SPAG1: variants seen among roughly 807,000 people sequenced by gnomAD.
SPAG1 encodes sperm associated antigen 1, also known as sperm-associated antigen 1.
Under a neutral mutation model 100.5 loss-of-function variants are expected in SPAG1, and 69 were observed. The ratio of observed to expected loss-of-function variants is 0.69; its 90% CI spans 0.57 to 0.84. The LOEUF is 0.84. SPAG1 is among the 40% of genes least tolerant of loss of function. The probability of loss-of-function intolerance (pLI) is 0.00; values close to 1 mark genes in which losing one functional copy is unlikely to be tolerated. For missense variants in SPAG1, 955 were observed against 1,133.1 expected, an observed-to-expected ratio of 0.84 and a Z score of 2.26; for synonymous variants, 336 against 411.6, an observed-to-expected ratio of 0.82 and a Z score of 2.22.
Position 100,166,056 on chromosome 8 carries a change from C to A in SPAG1, c.300+83C>A. 9 of 1,264,994 alleles carry A rather than the reference C, an allele frequency of 7.1e-6. 1 individual carries two copies. The South Asian group carries it at 1.4e-4, about 19-fold the overall frequency. 78.4% of individuals were successfully genotyped at this position (1,264,994 alleles called of 1,614,324 possible). On this transcript the variant is annotated intron_variant, in intron 3 of 18. Coordinates refer to ENST00000388798, the MANE Select transcript of SPAG1 (RefSeq NM_003114.5). Reference sequence around the variant, plus strand: ...TTCACTTATCGGAAATCCTAGGCTTCTTGTTTGTCCGTAAAGGGCTTTTAG... The same window carrying A: ...TTCACTTATCGGAAATCCTAGGCTTATTGTTTGTCCGTAAAGGGCTTTTAG...
In SPAG1 at chr8:100,160,105, A is replaced by G. The variant is rs538775649; in HGVS notation, c.-3+1489A>G. ...GTGCCTAGCACACATTAAGAACTATATATTTGTTGCTATTATTATTATCAT... is the reference window on the plus strand; with the variant it reads ...GTGCCTAGCACACATTAAGAACTATGTATTTGTTGCTATTATTATTATCAT... On this transcript the variant is annotated intron_variant, in intron 1 of 18. Coordinates refer to ENST00000388798, the MANE Select transcript of SPAG1 (RefSeq NM_003114.5). Among the ~76,000 whole-genome samples the G allele has an allele frequency of 3.3e-5, 5 of 152,360 alleles. No homozygotes were observed. The East Asian group carries it at 7.7e-4, about 23-fold the overall frequency.
intron 12 of SPAG1, among the ~76,000 whole-genome samples, chr8:100,215,049 A>G (rs1586502214): frequency 1.1e-5 from 1 of 92,020 alleles, no homozygotes; most frequent in Non-Finnish European, 2.1e-5. Context: ...ATATATATAT[A>G]TGAAACTATG....
chr8:100,204,146 C>G (rs1817404090), intron 10 of SPAG1, among the ~76,000 whole-genome samples: 1 of 152,158 alleles, frequency 6.6e-6, no homozygotes, highest in South Asian at 2.1e-4. Context: ...CCTGCACTGC[C>G]TGACGCAACA....
chr8:100,178,350 C>G (rs1816221540), intron 4 of SPAG1, among the ~76,000 whole-genome samples: 1 of 151,970 alleles, frequency 6.6e-6, no homozygotes, highest in Non-Finnish European at 1.5e-5. Context: ...GGATTTAAAA[C>G]AGTAAACAGA....
intron 14 of SPAG1, among the ~76,000 whole-genome samples, chr8:100,227,141 AATTTCGC>A (rs1000387488): frequency 2.6e-5 from 4 of 152,238 alleles, no homozygotes; most frequent in Non-Finnish European, 4.4e-5. Flanking sequence ...CCCAACGACA[AATTTCGC>A]AGAATGTATC....
Position 100,239,406 on chromosome 8 carries a change from T to C in SPAG1, c.2280+2T>C, listed in dbSNP as rs945594463. ...AGAAGGAAAATTGAGATTCAAGAGG[T>C]ATTTGTATTTGATTATCTTTGAAAG... is the stretch of plus-strand genomic sequence containing the variant. On this transcript the variant is annotated splice_donor_variant, in intron 17 of 18. Transcript: ENST00000388798. LOFTEE classifies it high-confidence loss of function. The surrounding 1 kb of genome is among the most constrained non-coding windows in gnomAD (Gnocchi z 5.0). The C allele has an allele frequency of 6.4e-7, 1 of 1,571,940 alleles. No homozygotes were observed. Among genetic ancestry groups the C allele is most frequent in the Non-Finnish European group, 8.8e-7 (1 of 1,142,054 alleles).
chr8:100,226,085 C>G (rs971733344), intron 14 of SPAG1, among the ~76,000 whole-genome samples: 9 of 151,202 alleles, frequency 6.0e-5, no homozygotes, highest in African/African-American at 2.2e-4. Context: ...CAACCTCCAC[C>G]TCCCAGGTTC....
chr8:100,196,334 C>T (rs973067964), intron 10 of SPAG1, among the ~76,000 whole-genome samples: 5 of 152,184 alleles, frequency 3.3e-5, no homozygotes, highest in African/African-American at 7.2e-5. Flanking sequence ...TTTGCATTGC[C>T]ATTAGTAACA....
intron 10 of SPAG1, among the ~76,000 whole-genome samples, chr8:100,201,225 C>T (rs1817262802): frequency 6.6e-6 from 1 of 152,150 alleles, no homozygotes; most frequent in South Asian, 2.1e-4. Context: ...TCAAGTGATC[C>T]TCCTACCTCA....
intron 7 of SPAG1, among the ~76,000 whole-genome samples, chr8:100,186,240 C>T (rs892287241): frequency 4.6e-5 from 7 of 151,586 alleles, no homozygotes; most frequent in Non-Finnish European, 1.0e-4. Context: ...ATAATTTTCT[C>T]TTGTGTTTTT....
At chr8:100,213,449 C>G in intron 11 of SPAG1, 21 bp downstream of exon 11, 1 of 1,380,460 alleles carries the variant, frequency 7.2e-7, no homozygotes, top group East Asian at 3.0e-5. Context: ...CGCGCCCCGC[C>G]GCTTCCTGGG....
rs1246929415 is a variant in SPAG1, at chr8:100,240,537, T to C, written c.2415T>C (p.Asn805=). The change falls in exon 18 of 19, where the codon AAT becomes AAC. Residue 805 remains asparagine, a synonymous_variant. Coordinates refer to ENST00000388798, the MANE Select transcript of SPAG1 (RefSeq NM_003114.5). ...PEKLPIAKPN[N]AYEFGQIINA... is the part of the protein sequence containing the mutation. ...AACTTCCGATAGCCAAGCCTAATAA[T>C]GCCTATGAATTTGGTCAGATTATAA... 2 of 1,613,990 alleles carry C rather than the reference T, an allele frequency of 1.2e-6. No individual in the cohort carries two copies. Among genetic ancestry groups the C allele is most frequent in the Non-Finnish European group, 1.7e-6 (2 of 1,180,008 alleles).
In SPAG1 at chr8:100,213,112, C is replaced by G. The variant is rs1368158185; in HGVS notation, c.1119C>G (p.Ala373=). The part of the protein sequence containing the change: ...GDKKPAEPAG[A]ARAAQPCVMG... Reference sequence around the variant, plus strand: ...CAGAGCCCGCGGAGCCGGCGGGAGCCGCGCGCGCCGCCCAGCCGTGCGTCA... The same window carrying G: ...CAGAGCCCGCGGAGCCGGCGGGAGCGGCGCGCGCCGCCCAGCCGTGCGTCA... The change falls in exon 11 of 19, where the codon GCC becomes GCG. Residue 373 remains alanine, a synonymous_variant. Coordinates refer to ENST00000388798, the MANE Select transcript of SPAG1 (RefSeq NM_003114.5). The G allele has an allele frequency of 1.4e-6, 2 of 1,480,852 alleles. No individual in the cohort carries two copies. Among genetic ancestry groups the G allele is most frequent in the Non-Finnish European group, 1.8e-6 (2 of 1,122,908 alleles). The allele number at this position is 1,480,852 out of a possible 1,614,324, so 91.7% of individuals were successfully genotyped here. A position where few individuals can be genotyped will look rare whatever the true frequency, so the allele number is the denominator to read the frequency against.
intron 3 of SPAG1, among the ~76,000 whole-genome samples, chr8:100,168,953 C>T (rs546940165): frequency 7.2e-5 from 11 of 151,860 alleles, no homozygotes; most frequent in East Asian, 1.9e-4. Flanking sequence ...TCCCAAAGTG[C>T]GGGGATTACA....
intron 3 of SPAG1, among the ~76,000 whole-genome samples, chr8:100,173,700 G>A (rs138118363): frequency 1.5e-3 from 223 of 152,216 alleles, no homozygotes; most frequent in African/African-American, 5.1e-3. Context: ...TAAGACATAG[G>A]CCCTGCCCTC....
chr8:100,199,117 A>G (rs1448100906), intron 10 of SPAG1, among the ~76,000 whole-genome samples: 1 of 152,022 alleles, frequency 6.6e-6, no homozygotes, highest in African/African-American at 2.4e-5. Context: ...GATGTTTTAG[A>G]TTTTCTTGTG....
At chr8:100,191,683 A>AT (rs1816823135) in intron 9 of SPAG1, among the ~76,000 whole-genome samples, 187 bp downstream of exon 9, 1 of 152,074 alleles carries the variant, frequency 6.6e-6, no homozygotes, top group Non-Finnish European at 1.5e-5. Flanking sequence ...GAATCTTAAA[A>AT]TTTTTTTTCA....
Position 100,229,632 on chromosome 8 carries a change from G to A in SPAG1, c.1856-1524G>A, listed in dbSNP as rs1272244855. On this transcript the variant is annotated intron_variant, in intron 14 of 18. Transcript: ENST00000388798. Reference sequence around the variant, plus strand: ...AGTGAGGTCAGCCTCCCCTGAACACGTGGTCTGAATAGGAGAGGGGTGATA... The same window carrying A: ...AGTGAGGTCAGCCTCCCCTGAACACATGGTCTGAATAGGAGAGGGGTGATA... 4.6e-5 allele frequency among the ~76,000 whole-genome samples: 7 copies of A among 152,174 alleles called. 1 individual carries two copies. The highest frequency in any genetic ancestry group is 3.3e-4 in the Admixed American group (5 of 15,288).
intron 7 of SPAG1, 82 bp downstream of exon 7, chr8:100,184,815 A>G: frequency 2.6e-6 from 2 of 766,524 alleles, no homozygotes; most frequent in Non-Finnish European, 4.2e-6. Context: ...TAAATAAGCG[A>G]AAGTCTATGT....
Sources: gnomAD v4.1 joint callset for allele counts (sites outside exome capture counted in the v4.1 genomes callset) on GRCh38, gnomAD v4.1.1 for gene constraint, Gnocchi (gnomAD v3.1) non-coding constraint, MANE v1.5 for transcripts, NCBI Gene and HGNC (gene_info 2026-07-23, HGNC 2026-07-21) for gene names.